Variants in PRSS23 observed in about 807,000 individuals in gnomAD.
PRSS23 encodes the protein serine protease 23.
In PRSS23, 25 loss-of-function variants were observed where a neutral mutation model predicts 34.7. The ratio of observed to expected loss-of-function variants is 0.72; its 90% CI spans 0.53 to 1.01. PRSS23 has a LOEUF of 1.01. Among genes scored for constraint, PRSS23 ranks in the 50% least tolerant of loss-of-function variants. The probability of loss-of-function intolerance (pLI) is 0.00; values close to 1 mark genes in which losing one functional copy is unlikely to be tolerated. For synonymous variants in PRSS23, 176 were observed against 186.6 expected (o/e 0.94, Z 0.46); for missense variants, 445 against 475.6 (o/e 0.94, Z 0.60).
At chr11:86,835,748 C>A (rs1016909745) in intron 2 of PRSS23, among the ~76,000 whole-genome samples, 5 of 152,192 alleles carry the variant, frequency 3.3e-5, no homozygotes, top group African/African-American at 1.2e-4. Flanking sequence ...TACGTAACCT[C>A]CTGTGAGCAG....
intron 2 of PRSS23, among the ~76,000 whole-genome samples, chr11:86,847,904 A>C (rs117156823): frequency 0.065 from 9,876 of 152,230 alleles, 459 homozygotes; most frequent in Non-Finnish European, 0.093. Flanking sequence ...GCTTTGCCCA[A>C]ATGACAGAGG....
intron 2 of PRSS23, among the ~76,000 whole-genome samples, chr11:86,830,104 C>A (rs906728495): frequency 3.9e-5 from 6 of 152,190 alleles, no homozygotes; most frequent in African/African-American, 1.2e-4. Context: ...GTGGAGCCTA[C>A]AGAGGCAGGC....
At chr11:86,833,839 C>T (rs1948380668) in intron 2 of PRSS23, among the ~76,000 whole-genome samples, 1 of 152,088 alleles carries the variant, frequency 6.6e-6, no homozygotes, top group African/African-American at 2.4e-5. Context: ...AACCCAAGTA[C>T]TGTTGGGGAG....
downstream of PRSS23, among the ~76,000 whole-genome samples, chr11:86,814,320 C>T (rs889269581): frequency 6.6e-6 from 1 of 151,652 alleles, no homozygotes; most frequent in African/African-American, 2.4e-5. Flanking sequence ...GAGTCCCAGT[C>T]CACCAACATT....
At chr11:86,878,407 C>T (rs1394506809) in intron 2 of PRSS23, among the ~76,000 whole-genome samples, 1 of 152,120 alleles carries the variant, frequency 6.6e-6, no homozygotes. Context: ...CGATTGCAGG[C>T]GCGCGCCGCC....
intron 2 of PRSS23, among the ~76,000 whole-genome samples, chr11:86,825,458 T>C (rs958229508): frequency 6.6e-6 from 1 of 152,238 alleles, no homozygotes; most frequent in Admixed American, 6.5e-5. Context: ...GTAGCTTCTT[T>C]TGCTGTGCAG....
intron 2 of PRSS23, among the ~76,000 whole-genome samples, chr11:86,917,039 G>A (rs1949017482): frequency 1.3e-5 from 2 of 152,202 alleles, no homozygotes; most frequent in South Asian, 2.1e-4. Context: ...AATTTGTGGA[G>A]CCGGGCGCGG....
Position 86,809,524 on chromosome 11 carries a change from C to T in PRSS23, c.*729C>T, listed in dbSNP as rs1411181151. On this transcript the variant is annotated 3_prime_UTR_variant, in exon 2 of 2. Transcript: ENST00000280258. ...CATATGGCCCTCCCAACTTTAAAGT[C>T]ATACCAGAGTGGCCAAGAGTGTTTA... 6.0e-6 allele frequency: 1 copy of T among 167,070 alleles called. No individual in the cohort carries two copies. The highest frequency in any genetic ancestry group is 1.5e-5 in the Non-Finnish European group (1 of 68,116). The allele number at this position is 167,070 out of a possible 1,614,324, so 10.3% of individuals were successfully genotyped here.
chr11:86,900,781 C>CTCTCTCTCTTTT (rs775258446), intron 2 of PRSS23, among the ~76,000 whole-genome samples: 3 of 94,018 alleles, frequency 3.2e-5, no homozygotes, highest in African/African-American at 1.3e-4. Context: ...ATCTCTCTCT[C>CTCTCTCTCTTTT]TTTTTTTTTT....
intron 2 of PRSS23, among the ~76,000 whole-genome samples, chr11:86,893,969 G>C (rs1363949185): frequency 6.6e-6 from 1 of 152,096 alleles, no homozygotes; most frequent in Non-Finnish European, 1.5e-5. Flanking sequence ...GTAAAGGGGG[G>C]AATCAATTCA....
chr11:86,930,169 A>C (rs145125363), intron 2 of PRSS23, among the ~76,000 whole-genome samples: 1,562 of 135,016 alleles, frequency 0.012, 32 homozygotes, highest in African/African-American at 0.039. Flanking sequence ...AAAAAAACTG[A>C]TATCAAGAAG....
chr11:86,829,971 G>C (rs534577841), intron 2 of PRSS23, among the ~76,000 whole-genome samples: 1 of 152,172 alleles, frequency 6.6e-6, no homozygotes, highest in East Asian at 1.9e-4. Context: ...CAGTCTGCCC[G>C]TCCTCAGATC....
At chr11:86,851,195 C>A (rs1284007793) in intron 2 of PRSS23, among the ~76,000 whole-genome samples, 1 of 152,188 alleles carries the variant, frequency 6.6e-6, no homozygotes, top group Non-Finnish European at 1.5e-5. Context: ...GAGGTCTTAA[C>A]CATAGCCATA....
intron 2 of PRSS23, among the ~76,000 whole-genome samples, chr11:86,903,735 G>A (rs1445119895): frequency 4.0e-5 from 6 of 151,846 alleles, no homozygotes; most frequent in Non-Finnish European, 8.8e-5. Flanking sequence ...CACCTGCCTC[G>A]GCCTCCCAAA....
intron 2 of PRSS23, among the ~76,000 whole-genome samples, chr11:86,889,885 G>T (rs1948829669): frequency 6.6e-6 from 1 of 152,168 alleles, no homozygotes; most frequent in African/African-American, 2.4e-5. Flanking sequence ...TGGAGAGCTT[G>T]TTAAAAATAC....
intron 2 of PRSS23, among the ~76,000 whole-genome samples, chr11:86,944,755 G>C (rs1949229542): frequency 6.6e-6 from 1 of 152,222 alleles, no homozygotes. Context: ...AATGGAAAGA[G>C]AAACACAGCC....
At position 86,809,409 on chromosome 11, in the gene PRSS23, C is replaced by T. The variant is rs532925833; in HGVS notation, c.*614C>T. 6.0e-6 allele frequency: 1 copy of T among 167,084 alleles called. No individual in the cohort carries two copies. Among genetic ancestry groups the T allele is most frequent in the East Asian group, 1.9e-4 (1 of 5,184 alleles). The allele number at this position is 167,084 out of a possible 1,614,324, so 10.4% of individuals were successfully genotyped here. A position where few individuals can be genotyped will look rare whatever the true frequency, so the allele number is the denominator to read the frequency against. ...TACTGATACACATATTAAACTATAC[C>T]TTATAGTAAACCAGTATCCCAAGCT... On this transcript the variant is annotated 3_prime_UTR_variant, in exon 2 of 2. Transcript: ENST00000280258.
Position 86,863,077 on chromosome 11 carries a change from C to T in PRSS23, c.206+39484C>T, listed in dbSNP as rs138240807. Among the ~76,000 whole-genome samples, 269 of 152,054 alleles carry T rather than the reference C, an allele frequency of 1.8e-3. 2 individuals carry two copies. Among genetic ancestry groups the T allele is most frequent in the African/African-American group, 5.8e-3 (242 of 41,472 alleles). On this transcript the variant is annotated intron_variant, in intron 2 of 2. Coordinates refer to the PRSS23 transcript ENST00000533902. Reference sequence around the variant, plus strand: ...ATATTTTTTGTAATATCCTAGAAAGCTATTACTCCTAATATCACAGTTGGT... The same window carrying T: ...ATATTTTTTGTAATATCCTAGAAAGTTATTACTCCTAATATCACAGTTGGT...
intron 2 of PRSS23, among the ~76,000 whole-genome samples, chr11:86,847,342 A>T (rs1948494139): frequency 6.6e-6 from 1 of 152,216 alleles, no homozygotes; most frequent in Non-Finnish European, 1.5e-5. Flanking sequence ...ACCCTGGAAC[A>T]GGTTGGATGT....
Sources: allele counts gnomAD v4.1 joint callset (sites outside exome capture counted in the v4.1 genomes callset), GRCh38; gene constraint gnomAD v4.1.1; transcripts MANE v1.5; gene names NCBI Gene and HGNC (gene_info 2026-07-23, HGNC 2026-07-21).